Variants in DECR1 observed in about 807,000 individuals in gnomAD.
The protein encoded by DECR1 is 2,4-dienoyl-CoA reductase 1.
DECR1 carries 44 observed loss-of-function variants against 38.8 expected under a neutral mutation model. The observed-to-expected ratio is 1.13, with a 90% confidence interval of 0.89 to 1.46. The LOEUF is 1.46. Among genes scored for constraint, DECR1 ranks in the 40% most tolerant of loss-of-function variants. The pLI, the probability that DECR1 is intolerant of heterozygous loss-of-function variation, is 0.00. For missense variants in DECR1, 428 were observed against 405.5 expected, an observed-to-expected ratio of 1.06 and a Z score of -0.48; for synonymous variants, 148 against 135.2, an observed-to-expected ratio of 1.09 and a Z score of -0.66.
Position 90,001,577 on chromosome 8 carries a change from G to A in DECR1, c.69+16G>A. The A allele has an allele frequency of 6.2e-7, 1 of 1,609,984 alleles. No homozygotes were observed. The highest frequency in any genetic ancestry group is 8.5e-7 in the Non-Finnish European group (1 of 1,177,478). Reference sequence around the variant, plus strand: ...TCCTCGGAGGGTAAGGCGGCCGGGGGCGCGGGGAGCGAGGACAGGGCGTCT... The same window carrying A: ...TCCTCGGAGGGTAAGGCGGCCGGGGACGCGGGGAGCGAGGACAGGGCGTCT... On this transcript the variant is annotated intron_variant, in intron 1 of 9. Coordinates refer to ENST00000220764, the MANE Select transcript of DECR1 (RefSeq NM_001359.2).
intron 8 of DECR1, among the ~76,000 whole-genome samples, chr8:90,049,614 T>C (rs1304077561): frequency 6.6e-6 from 1 of 152,202 alleles, no homozygotes; most frequent in African/African-American, 2.4e-5. Context: ...AGGTAATTTA[T>C]AGATTCAGTG....
intron 3 of DECR1, 24 bp downstream of exon 3, chr8:90,018,990 A>G: frequency 6.3e-7 from 1 of 1,582,256 alleles, no homozygotes. Flanking sequence ...CAGTTATTTA[A>G]TTTAGATTTA....
chr8:90,037,193 C>G (rs1232509397), intron 6 of DECR1, among the ~76,000 whole-genome samples: 1 of 152,170 alleles, frequency 6.6e-6, no homozygotes, highest in African/African-American at 2.4e-5. Context: ...ATATTGAACC[C>G]TTGGAATATC....
chr8:90,010,901 T>C (rs1299914751), intron 1 of DECR1, among the ~76,000 whole-genome samples: 1 of 152,214 alleles, frequency 6.6e-6, no homozygotes, highest in African/African-American at 2.4e-5. Context: ...ACTTCTTGTA[T>C]TGTGTGCTTG....
At chr8:90,012,413 A>C (rs1477016467) in intron 1 of DECR1, among the ~76,000 whole-genome samples, 1 of 152,086 alleles carries the variant, frequency 6.6e-6, no homozygotes, top group Admixed American at 6.5e-5. Context: ...TCGGCCTCCC[A>C]AAGTGCTGGG....
In DECR1 at chr8:90,053,375, C is replaced by G. The variant is rs985970314; in HGVS notation, c.*1478C>G. On this transcript the variant is annotated 3_prime_UTR_variant, in exon 10 of 10. Coordinates refer to ENST00000220764, the MANE Select transcript of DECR1 (RefSeq NM_001359.2). ...CCAAGAGAGCTTGTGCAGGGGAACTCCCATTTATAAAACCATCAGATCTCG... is the reference window on the plus strand; with the variant it reads ...CCAAGAGAGCTTGTGCAGGGGAACTGCCATTTATAAAACCATCAGATCTCG... 1.3e-5 allele frequency among the ~76,000 whole-genome samples: 2 copies of G among 152,114 alleles called. No homozygotes were observed. Among genetic ancestry groups the G allele is most frequent in the Non-Finnish European group, 2.9e-5 (2 of 68,014 alleles).
At chr8:90,025,470 T>C (rs1191730519) in intron 5 of DECR1, among the ~76,000 whole-genome samples, 1 of 152,222 alleles carries the variant, frequency 6.6e-6, no homozygotes, top group Non-Finnish European at 1.5e-5. Context: ...ACATATTTTA[T>C]TTTCTTTGAA....
At chr8:90,039,212 G>A (rs1813690316) in intron 6 of DECR1, among the ~76,000 whole-genome samples, 1 of 152,090 alleles carries the variant, frequency 6.6e-6, no homozygotes, top group Non-Finnish European at 1.5e-5. Context: ...ATATGCCTTG[G>A]CTGTCTTCCT....
intron 2 of DECR1, among the ~76,000 whole-genome samples, chr8:90,018,022 G>T (rs1290237827): frequency 6.6e-6 from 1 of 152,096 alleles, no homozygotes; most frequent in Non-Finnish European, 1.5e-5. Context: ...GAGTAGCTGG[G>T]ATTACAGGCG....
At chr8:90,036,741 A>G in intron 5 of DECR1, 100 bp from the exon 6 acceptor site, 1 of 728,274 alleles carries the variant, frequency 1.4e-6, no homozygotes, top group Non-Finnish European at 2.2e-6. Context: ...AGTTTTTCTT[A>G]TACCCTCTTT....
At chr8:90,006,204 G>T (rs964784103) in intron 1 of DECR1, 1 of 704,140 alleles carries the variant, frequency 1.4e-6, no homozygotes, top group African/African-American at 1.7e-5. Flanking sequence ...GAAGCCTGGA[G>T]TTGTACTACC....
intron 1 of DECR1, among the ~76,000 whole-genome samples, chr8:90,004,820 T>C (rs1257000741): frequency 6.6e-6 from 1 of 152,206 alleles, no homozygotes; most frequent in East Asian, 1.9e-4. Flanking sequence ...TGAATGAACG[T>C]GTGTACTGTG....
At chr8:90,045,261 G>A (rs957530659) in intron 8 of DECR1, among the ~76,000 whole-genome samples, 2 of 152,042 alleles carry the variant, frequency 1.3e-5, no homozygotes, top group Admixed American at 6.5e-5. Flanking sequence ...CAGGGGGTTG[G>A]GGAATTCCCT....
chr8:90,005,285 T>A (rs934648382), intron 1 of DECR1: 3 of 453,138 alleles, frequency 6.6e-6, no homozygotes, highest in Non-Finnish European at 1.3e-5. Context: ...CATTTACTAT[T>A]TGCTAGGCAC....
At chr8:90,037,072 C>T in intron 6 of DECR1, 132 bp downstream of exon 6, 1 of 627,426 alleles carries the variant, frequency 1.6e-6, no homozygotes, top group Non-Finnish European at 2.8e-6. Flanking sequence ...ATGAGACATA[C>T]ATTTTATCTC....
intron 5 of DECR1, among the ~76,000 whole-genome samples, chr8:90,025,123 A>T (rs1055412052): frequency 2.0e-5 from 3 of 152,196 alleles, no homozygotes; most frequent in African/African-American, 7.2e-5. Context: ...TGGTTCCTGT[A>T]GCCTTGTAGT....
At chr8:90,015,511 A>G in intron 1 of DECR1, 1 of 383,120 alleles carries the variant, frequency 2.6e-6, no homozygotes, top group Non-Finnish European at 5.3e-6. Context: ...TTAACATCAC[A>G]TTATAAACAT....
intron 1 of DECR1, chr8:90,003,339 T>G (rs1812663043): frequency 1.3e-5 from 2 of 152,240 alleles, no homozygotes; most frequent in Non-Finnish European, 2.9e-5. Context: ...AAGTGCTGTG[T>G]TAAATTGTGC....
intron 8 of DECR1, among the ~76,000 whole-genome samples, chr8:90,049,787 G>C (rs1166961912): frequency 6.6e-6 from 1 of 152,056 alleles, no homozygotes; most frequent in African/African-American, 2.4e-5. Context: ...ATACTACAAG[G>C]CTACAGTAAC....
Sources: gnomAD v4.1 joint callset for allele counts (sites outside exome capture counted in the v4.1 genomes callset) on GRCh38, gnomAD v4.1.1 for gene constraint, MANE v1.5 for transcripts, NCBI Gene and HGNC (gene_info 2026-07-23, HGNC 2026-07-21) for gene names.